Variants in STEAP2 observed in about 807,000 individuals in gnomAD.
STEAP2 encodes metalloreductase STEAP2.
In STEAP2, 30 loss-of-function variants were observed where a neutral mutation model predicts 46.4. That is an observed-to-expected ratio of 0.65 (90% confidence interval 0.48 to 0.88). The LOEUF is 0.88. Ranked by LOEUF, STEAP2 falls within the 40% of genes least tolerant of loss-of-function variation. STEAP2 has a pLI of 0.00. For synonymous variants in STEAP2, 180 were observed against 200.5 expected (o/e 0.90, Z 0.86); for missense variants, 513 against 579.3 (o/e 0.89, Z 1.18).
chr7:90,219,341 G>A (rs1795155712), intron 2 of STEAP2, among the ~76,000 whole-genome samples: 1 of 152,036 alleles, frequency 6.6e-6, no homozygotes, highest in African/African-American at 2.4e-5. Flanking sequence ...TGGTGAAAGT[G>A]GCATCCTTGT....
At chr7:90,227,666 G>A (rs1404570963) in intron 4 of STEAP2, among the ~76,000 whole-genome samples, 168 bp downstream of exon 4, 1 of 152,110 alleles carries the variant, frequency 6.6e-6, no homozygotes. Context: ...TAATTAGGTG[G>A]CTAATTCAAA....
rs979011194 is a variant in STEAP2, at chr7:90,234,821, G to A, written c.*2197G>A. On this transcript the variant is annotated 3_prime_UTR_variant, in exon 6 of 6. Coordinates refer to ENST00000394621, the MANE Select transcript of STEAP2 (RefSeq NM_001244944.2). ...GCCCGCCTTGGCCTCCAAAGTGCTG[G>A]GATTACAGGTGTGAGCTACCGCGCC... 3.1e-5 allele frequency: 30 copies of A among 966,696 alleles called. No individual in the cohort carries two copies. The South Asian group carries it at 1.4e-3, about 45-fold the overall frequency. 59.9% of individuals were successfully genotyped at this position (966,696 alleles called of 1,614,324 possible).
Position 90,233,139 on chromosome 7 carries a change from A to G in STEAP2, c.*515A>G. On this transcript the variant is annotated 3_prime_UTR_variant, in exon 6 of 6. Transcript: ENST00000394621. ...GATAGCATTCCTATATTTCTCTCAT[A>G]AAATAGGATTTGAAGGATGAAATTA... 6 of 985,046 alleles carry G rather than the reference A, an allele frequency of 6.1e-6. No individual in the cohort carries two copies. In the South Asian group the frequency reaches 2.8e-4, roughly 46 times the overall value. 61.0% of individuals were successfully genotyped at this position (985,046 alleles called of 1,614,324 possible).
intron 4 of STEAP2, among the ~76,000 whole-genome samples, chr7:90,229,549 A>G (rs1584245928): frequency 6.6e-6 from 1 of 152,108 alleles, no homozygotes; most frequent in East Asian, 1.9e-4. Context: ...CTTTTGTGTC[A>G]CCCTAGAACC....
At position 90,225,402 on chromosome 7, in the gene STEAP2, T is replaced by A. The variant is rs1254646723; in HGVS notation, c.320T>A (p.Leu107Gln). Residue 107 changes from leucine (L) to glutamine (Q), a missense_variant, in exon 3 of 6, where the codon CTG (leucine) becomes CAG (glutamine). Transcript: ENST00000394621. The part of the protein sequence containing the change: ...HYTSLWDLRH[L>Q]LVGKILIDVS... ...ACCTCCCTGTGGGACCTGAGACATC[T>A]GCTTGTGGGTAAAATCCTGATTGAT... is the stretch of plus-strand genomic sequence containing the variant. The A allele has an allele frequency of 6.2e-7, 1 of 1,613,780 alleles. No homozygotes were observed. The highest frequency in any genetic ancestry group is 8.5e-7 in the Non-Finnish European group (1 of 1,179,944).
chr7:90,221,361 A>G (rs553358204), intron 2 of STEAP2, among the ~76,000 whole-genome samples: 26 of 152,200 alleles, frequency 1.7e-4, no homozygotes, highest in Admixed American at 5.2e-4. Context: ...GAATTTATCT[A>G]TTATCATTAT....
At position 90,227,083 on chromosome 7, in the gene STEAP2, A is replaced by C. The variant is rs1305406642; in HGVS notation, c.605A>C (p.Glu202Ala). 1 of 1,613,814 alleles carries C rather than the reference A, an allele frequency of 6.2e-7. No homozygotes were observed. Residue 202 changes from glutamate (E) to alanine (A), a missense_variant, in exon 4 of 6, where the codon GAA (glutamate) becomes GCA (alanine). Coordinates refer to ENST00000394621, the MANE Select transcript of STEAP2 (RefSeq NM_001244944.2). ...LGSLSSAREIENLPLRLFTLW... is the reference protein window; with the variant it reads ...LGSLSSAREIANLPLRLFTLW... The stretch of plus-strand genomic sequence containing the variant: ...TCCTTATCATCAGCCAGAGAGATTG[A>C]AAATTTACCCCTACGACTCTTTACT...
intron 5 of STEAP2, among the ~76,000 whole-genome samples, chr7:90,230,841 T>A (rs1301442885): frequency 6.6e-6 from 1 of 151,794 alleles, no homozygotes; most frequent in South Asian, 2.1e-4. Flanking sequence ...CATTGCTTAT[T>A]TGCTTGTTTT....
chr7:90,217,377 TATCCATGAACCAAC>T (rs1309300449), intron 2 of STEAP2, among the ~76,000 whole-genome samples: 2 of 152,170 alleles, frequency 1.3e-5, no homozygotes, highest in African/African-American at 4.8e-5. Flanking sequence ...TGTACATTTG[TATCCATGAACCAAC>T]ATCTCTTCCT....
chr7:90,226,674 GT>G (rs1364151404), intron 3 of STEAP2, among the ~76,000 whole-genome samples: 1 of 152,038 alleles, frequency 6.6e-6, no homozygotes, highest in East Asian at 1.9e-4. Context: ...TTAGGAATTT[GT>G]TTTCCCCAAA....
In STEAP2 at chr7:90,234,533, TA is replaced by T. The variant is rs1795884881; in HGVS notation, c.*1910del. The T allele has an allele frequency of 1.0e-6, 1 of 979,734 alleles. No individual in the cohort carries two copies. Among genetic ancestry groups the T allele is most frequent in the Non-Finnish European group, 1.2e-6 (1 of 826,364 alleles). 60.7% of individuals were successfully genotyped at this position (979,734 alleles called of 1,614,324 possible). ...CTAATGTTCTCTTGGTGAATTTTAT[TA>T]TCTTGTACCCTCTTTTTTTTTTTTT... On this transcript the variant is annotated 3_prime_UTR_variant, in exon 6 of 6. Coordinates refer to ENST00000394621, the MANE Select transcript of STEAP2 (RefSeq NM_001244944.2).
downstream of STEAP2, among the ~76,000 whole-genome samples, chr7:90,240,319 G>C (rs1282208617): frequency 2.6e-5 from 4 of 151,920 alleles, no homozygotes; most frequent in South Asian, 6.2e-4. This position sits in a 1 kb window ranked among gnomAD's most constrained non-coding sequence, Gnocchi z 4.1. Flanking sequence ...TTCTGGTTTT[G>C]TATGCATTTC....
At chr7:90,230,359 T>A (rs1795688023) in intron 5 of STEAP2, among the ~76,000 whole-genome samples, 1 of 152,062 alleles carries the variant, frequency 6.6e-6, no homozygotes, top group South Asian at 2.1e-4. Flanking sequence ...GAAAGTCAAT[T>A]TATTATTAGC....
intron 2 of STEAP2, among the ~76,000 whole-genome samples, chr7:90,218,216 G>A (rs1197217852): frequency 6.6e-6 from 1 of 151,902 alleles, no homozygotes; most frequent in Non-Finnish European, 1.5e-5. Context: ...TTCAATAGGT[G>A]GTCTCTTCAT....
intron 1 of STEAP2, 47 bp downstream of exon 1, chr7:90,212,092 T>G (rs1423854712): frequency 6.6e-6 from 1 of 152,434 alleles, no homozygotes; most frequent in East Asian, 1.9e-4. Context: ...GGCGGCGGAG[T>G]TGAGGGTCAA....
In STEAP2 at chr7:90,236,938, T is replaced by A. The variant is rs536508362; in HGVS notation, c.*4314T>A. 6.2e-7 allele frequency: 1 copy of A among 1,614,178 alleles called. No individual in the cohort carries two copies. Among genetic ancestry groups the A allele is most frequent in the South Asian group, 1.1e-5 (1 of 91,080 alleles). On this transcript the variant is annotated 3_prime_UTR_variant, in exon 6 of 6. Coordinates refer to ENST00000394621, the MANE Select transcript of STEAP2 (RefSeq NM_001244944.2). ...CCCAGACTGAGCTGGAACTGGAATT[T>A]GTCTTCCTATTGACTCTACTTCTTT... is the stretch of plus-strand genomic sequence containing the variant.
intron 2 of STEAP2, among the ~76,000 whole-genome samples, chr7:90,223,416 G>T (rs558145155): frequency 6.6e-6 from 1 of 152,292 alleles, no homozygotes; most frequent in East Asian, 1.9e-4. Context: ...CTGACTCTCT[G>T]TCTCTGAGCA....
In STEAP2 at chr7:90,233,370, T is replaced by C. The variant is rs194527; in HGVS notation, c.*746T>C. On this transcript the variant is annotated 3_prime_UTR_variant, in exon 6 of 6. Transcript: ENST00000394621. Reference sequence around the variant, plus strand: ...GGAAGAGGATTCAGTAACATTTGGCTTCCAAAACTGCTATCTCTAATACGG... The same window carrying C: ...GGAAGAGGATTCAGTAACATTTGGCCTCCAAAACTGCTATCTCTAATACGG... The C allele has an allele frequency of 0.86, 843,961 of 984,522 alleles. 362,434 individuals carry two copies. Among genetic ancestry groups the C allele is most frequent in the East Asian group, 1 (8,795 of 8,806 alleles). 61.0% of individuals were successfully genotyped at this position (984,522 alleles called of 1,614,324 possible).
At position 90,236,769 on chromosome 7, in the gene STEAP2, G is replaced by A. The variant is rs1795974149; in HGVS notation, c.*4145G>A. 4 of 1,450,006 alleles carry A rather than the reference G, an allele frequency of 2.8e-6. No individual in the cohort carries two copies. The highest frequency in any genetic ancestry group is 3.6e-6 in the Non-Finnish European group (4 of 1,102,680). 89.8% of individuals were successfully genotyped at this position (1,450,006 alleles called of 1,614,324 possible). On this transcript the variant is annotated 3_prime_UTR_variant, in exon 6 of 6. Transcript: ENST00000394621. ...CATCATGCATTCATCCAAAATTAAG[G>A]CAGACTGTTTGGATTCTTCCAGTGG...
Sources: allele counts gnomAD v4.1 joint callset (sites outside exome capture counted in the v4.1 genomes callset), GRCh38; gene constraint gnomAD v4.1.1; non-coding constraint Gnocchi (gnomAD v3.1); transcripts MANE v1.5; gene names NCBI Gene and HGNC (gene_info 2026-07-23, HGNC 2026-07-21).